RNF144B: variants seen among roughly 807,000 people sequenced by gnomAD.
RNF144B encodes the protein E3 ubiquitin-protein ligase RNF144B.
Under a neutral mutation model 40.2 loss-of-function variants are expected in RNF144B, and 25 were observed. The ratio of observed to expected loss-of-function variants is 0.62; its 90% confidence interval spans 0.45 to 0.87. The LOEUF is 0.87. Among genes scored for constraint, RNF144B ranks in the 40% least tolerant of loss-of-function variants. RNF144B has a pLI of 0.00. For synonymous variants in RNF144B, 145 were observed against 136.3 expected (o/e 1.06, Z -0.44); for missense variants, 365 against 373.7 (o/e 0.98, Z 0.19).
At position 18,405,394 on chromosome 6, in the gene RNF144B, C is replaced by T. The variant is rs1794883541; in HGVS notation, c.165+5695C>T. On this transcript the variant is annotated intron_variant, in intron 2 of 7. Coordinates refer to ENST00000259939, the MANE Select transcript of RNF144B (RefSeq NM_182757.4). This position sits in a 1 kb window ranked among gnomAD's most constrained non-coding sequence, Gnocchi z 4.5. ...GTTTCACTATGTAGGTCAGGCTGGT[C>T]TTGAACTCCTGACCTCGTGATCCAC... Among the ~76,000 whole-genome samples, 1 of 151,990 alleles carries T rather than the reference C, an allele frequency of 6.6e-6. No individual in the cohort carries two copies. The highest frequency in any genetic ancestry group is 2.1e-4 in the South Asian group (1 of 4,816).
intron 4 of RNF144B, among the ~76,000 whole-genome samples, chr6:18,440,118 A>G (rs1758926973): frequency 1.3e-5 from 2 of 152,150 alleles, no homozygotes; most frequent in South Asian, 4.1e-4. Context: ...TACCAGCCCA[A>G]ACATTTTTAC....
intron 2 of RNF144B, among the ~76,000 whole-genome samples, chr6:18,426,086 T>C (rs994595238): frequency 6.6e-6 from 1 of 152,208 alleles, no homozygotes; most frequent in Non-Finnish European, 1.5e-5. Context: ...AGATGGTCAA[T>C]AACAGGGATA....
rs933231531 is a variant in RNF144B, at chr6:18,427,765, A to G, written c.270+80A>G. On this transcript the variant is annotated intron_variant, in intron 3 of 7. Transcript: ENST00000259939. The stretch of plus-strand genomic sequence containing the variant: ...ATCTTGAGTCTTTATGTATTTCCCT[A>G]CCAGGGAGTCTAGCAAGAAAATACA... 39 of 921,472 alleles carry G rather than the reference A, an allele frequency of 4.2e-5. 1 individual carries two copies. In the African/African-American group the frequency reaches 5.4e-4, roughly 13 times the overall value. The allele number at this position is 921,472 out of a possible 1,614,324, so 57.1% of individuals were successfully genotyped here.
chr6:18,449,283 A>G (rs1027745040), intron 4 of RNF144B, among the ~76,000 whole-genome samples: 5 of 152,254 alleles, frequency 3.3e-5, no homozygotes, highest in African/African-American at 1.2e-4. Flanking sequence ...TCTAACCTAT[A>G]GGTTTAAGTG....
chr6:18,452,952 T>A (rs514985), intron 4 of RNF144B, among the ~76,000 whole-genome samples: 32,841 of 151,686 alleles, frequency 0.22, 3,563 homozygotes, highest in Admixed American at 0.26. Context: ...GGCTGGCTAC[T>A]TTTTTGTTGT....
chr6:18,443,331 C>T lies in RNF144B; in HGVS notation c.331+3587C>T, dbSNP rs190165600. Among the ~76,000 whole-genome samples, 2 of 152,236 alleles carry T rather than the reference C, an allele frequency of 1.3e-5. No individual in the cohort carries two copies. Among genetic ancestry groups the T allele is most frequent in the East Asian group, 3.9e-4 (2 of 5,174 alleles). ...AGGCTGGATTGCAGTGGCACGAACT[C>T]TGCCCACTGCAACTTCCGCCTCCTG... On this transcript the variant is annotated intron_variant, in intron 4 of 7. Transcript: ENST00000259939. The surrounding 1 kb of genome is among the most constrained non-coding windows in gnomAD (Gnocchi z 4.7).
rs192628257 is a variant in RNF144B, at chr6:18,398,148, C to T, written c.-36-1351C>T. On this transcript the variant is annotated intron_variant, in intron 1 of 7. Coordinates refer to ENST00000259939, the MANE Select transcript of RNF144B (RefSeq NM_182757.4). This position sits in a 1 kb window ranked among gnomAD's most constrained non-coding sequence, Gnocchi z 5.0. ...CCCACAAACAGTAACTCTTCATTTCCCCCTCCCACCAGCCCCTGGTAACCT... is the reference window on the plus strand; with the variant it reads ...CCCACAAACAGTAACTCTTCATTTCTCCCTCCCACCAGCCCCTGGTAACCT... 2.8e-3 allele frequency among the ~76,000 whole-genome samples: 432 copies of T among 152,140 alleles called. 5 individuals carry two copies. Among genetic ancestry groups the T allele is most frequent in the African/African-American group, 9.8e-3 (407 of 41,494 alleles).
chr6:18,436,858 A>T (rs1758834245), intron 3 of RNF144B, among the ~76,000 whole-genome samples: 1 of 152,034 alleles, frequency 6.6e-6, no homozygotes, highest in African/African-American at 2.4e-5. Context: ...TTAGCTCCAA[A>T]TGACAGTGGA....
chr6:18,462,230 A>G (rs575301673), intron 6 of RNF144B, among the ~76,000 whole-genome samples: 4 of 152,272 alleles, frequency 2.6e-5, no homozygotes, highest in Non-Finnish European at 4.4e-5. Context: ...AAATACTGCA[A>G]TGTGTTCGGA....
In RNF144B at chr6:18,445,950, G is replaced by T. The variant is rs145954803; in HGVS notation, c.331+6206G>T. Among the ~76,000 whole-genome samples the T allele has an allele frequency of 2.0e-5, 3 of 152,016 alleles. No homozygotes were observed. The East Asian group carries it at 5.8e-4, about 29-fold the overall frequency. Reference sequence around the variant, plus strand: ...GAATTTACAATAAAAATAATAAAAGGTGTTGAAAAAAATATCCTGTGACTC... The same window carrying T: ...GAATTTACAATAAAAATAATAAAAGTTGTTGAAAAAAATATCCTGTGACTC... On this transcript the variant is annotated intron_variant, in intron 4 of 7. Transcript: ENST00000259939.
intron 2 of RNF144B, among the ~76,000 whole-genome samples, chr6:18,408,724 G>A (rs1794965880): frequency 6.6e-6 from 1 of 152,092 alleles, no homozygotes; most frequent in Admixed American, 6.5e-5. Flanking sequence ...TCAGACCCTG[G>A]CTGCAGCTGC....
chr6:18,430,493 T>G (rs1758667975), intron 3 of RNF144B, among the ~76,000 whole-genome samples: 1 of 151,690 alleles, frequency 6.6e-6, no homozygotes, highest in South Asian at 2.1e-4. Context: ...GCTTTCTCTC[T>G]CTCTCTCTCT....
At position 18,456,993 on chromosome 6, in the gene RNF144B, G is replaced by A. The variant is rs957944790; in HGVS notation, c.332-162G>A. ...AGAAGAATCGGTTGAACCCAGGAGG[G>A]GAGGTTGCAGTGAGCTGAAATCATG... On this transcript the variant is annotated intron_variant, in intron 4 of 7. Coordinates refer to ENST00000259939, the MANE Select transcript of RNF144B (RefSeq NM_182757.4). The surrounding 1 kb of genome is among the most constrained non-coding windows in gnomAD (Gnocchi z 4.7). 2.0e-5 allele frequency among the ~76,000 whole-genome samples: 3 copies of A among 152,132 alleles called. No homozygotes were observed. The highest frequency in any genetic ancestry group is 4.4e-5 in the Non-Finnish European group (3 of 68,022).
rs1759412228 is a variant in RNF144B, at chr6:18,459,755, A to G, written c.681+4A>G. On this transcript the variant is annotated splice_donor_region_variant and intron_variant, in intron 6 of 7. Coordinates refer to ENST00000259939, the MANE Select transcript of RNF144B (RefSeq NM_182757.4). This position sits in a 1 kb window ranked among gnomAD's most constrained non-coding sequence, Gnocchi z 4.2. Reference sequence around the variant, plus strand: ...GTACTGCCTCCAGAACTTGGATGTAAGTTCCACCTAGGTTTGTTGTATGGT... The same window carrying G: ...GTACTGCCTCCAGAACTTGGATGTAGGTTCCACCTAGGTTTGTTGTATGGT... 1 of 1,613,558 alleles carries G rather than the reference A, an allele frequency of 6.2e-7. No individual in the cohort carries two copies. The highest frequency in any genetic ancestry group is 8.5e-7 in the Non-Finnish European group (1 of 1,179,574).
rs1284921658 is a variant in RNF144B at position 18,441,216 on chromosome 6, T to C, written c.331+1472T>C. Among the ~76,000 whole-genome samples, 1 of 152,118 alleles carries C rather than the reference T, an allele frequency of 6.6e-6. No individual in the cohort carries two copies. The highest frequency in any genetic ancestry group is 1.5e-5 in the Non-Finnish European group (1 of 68,020). ...GCCATTTTCCCACTTTATCCCAACA[T>C]CCTCCACTATAAAAATCAATTATAA... On this transcript the variant is annotated intron_variant, in intron 4 of 7. Coordinates refer to ENST00000259939, the MANE Select transcript of RNF144B (RefSeq NM_182757.4). This position sits in a 1 kb window ranked among gnomAD's most constrained non-coding sequence, Gnocchi z 4.9.
intron 3 of RNF144B, among the ~76,000 whole-genome samples, chr6:18,437,130 T>G (rs1305308943): frequency 1.3e-5 from 2 of 152,170 alleles, no homozygotes; most frequent in Non-Finnish European, 2.9e-5. Context: ...CATGGTAAGC[T>G]GTCAACAAAT....
At chr6:18,396,277 T>C (rs1794692664) in intron 1 of RNF144B, 1 of 561,034 alleles carries the variant, frequency 1.8e-6, no homozygotes, top group African/African-American at 2.0e-5. Context: ...TATTCCATTA[T>C]GGATAATAAT....
rs502263 is a variant in RNF144B, at chr6:18,459,093, C to T, written c.537-514C>T. On this transcript the variant is annotated intron_variant, in intron 5 of 7. Coordinates refer to ENST00000259939, the MANE Select transcript of RNF144B (RefSeq NM_182757.4). The surrounding 1 kb of genome is among the most constrained non-coding windows in gnomAD (Gnocchi z 4.2). Reference sequence around the variant, plus strand: ...GTGTTACATGGTGCTATCGCTCACTCCAATTCCTGTTGCTTATTTTCTGTG... The same window carrying T: ...GTGTTACATGGTGCTATCGCTCACTTCAATTCCTGTTGCTTATTTTCTGTG... Among the ~76,000 whole-genome samples the T allele has an allele frequency of 6.7e-6, 1 of 149,366 alleles. No individual in the cohort carries two copies.
intron 3 of RNF144B, among the ~76,000 whole-genome samples, chr6:18,432,694 G>A (rs1758720705): frequency 6.6e-6 from 1 of 152,202 alleles, no homozygotes; most frequent in Non-Finnish European, 1.5e-5. Context: ...TGCGAATTTT[G>A]AGTGGTGAGT....
Sources: gnomAD v4.1 joint callset for allele counts (sites outside exome capture counted in the v4.1 genomes callset) on GRCh38, gnomAD v4.1.1 for gene constraint, Gnocchi (gnomAD v3.1) non-coding constraint, MANE v1.5 for transcripts, NCBI Gene and HGNC (gene_info 2026-07-23, HGNC 2026-07-21) for gene names.